FHIP2B: variants seen among roughly 807,000 people sequenced by gnomAD.
FHIP2B encodes the protein FHF complex subunit HOOK-interacting protein 2B.
Under a neutral mutation model 84.0 loss-of-function variants are expected in FHIP2B, and 72 were observed. The observed-to-expected ratio is 0.86, with a 90% CI of 0.71 to 1.04. FHIP2B has a LOEUF of 1.04. Among genes scored for constraint, FHIP2B ranks in the 50% least tolerant of loss-of-function variants. The pLI is 0.00. For synonymous variants in FHIP2B, 497 were observed against 418.7 expected, an observed-to-expected ratio of 1.19 and a Z score of -2.28; for missense variants, 972 against 968.9, an observed-to-expected ratio of 1.00 and a Z score of -0.04.
intron 14 of FHIP2B, 118 bp downstream of exon 14, chr8:22,101,969 TC>T: frequency 6.6e-7 from 1 of 1,504,086 alleles, no homozygotes; most frequent in East Asian, 2.4e-5. Context: ...CCCTGTCCTT[TC>T]CCCAGGTGGG....
rs747932409 is a variant in FHIP2B, at chr8:22,102,329, G to A, written c.1992+14G>A. On this transcript the variant is annotated intron_variant, in intron 15 of 16. Transcript: ENST00000289921. ...GTGTTGGTGAGGGTGAGGACGCCTC[G>A]GCCCAAGGGAGTGTGCCTAGTGAGG... 2.7e-5 allele frequency: 43 copies of A among 1,611,040 alleles called. No homozygotes were observed. The highest frequency in any genetic ancestry group is 3.3e-4 in the Middle Eastern group (2 of 6,084).
chr8:22,091,124 C>G (rs977401551), intron 1 of FHIP2B, among the ~76,000 whole-genome samples: 5 of 151,898 alleles, frequency 3.3e-5, no homozygotes, highest in Admixed American at 3.3e-4. Flanking sequence ...CAGTCTAGGT[C>G]TTTCCCAAGC....
chr8:22,099,813 C>T lies in FHIP2B; in HGVS notation c.1261C>T (p.Arg421Trp), dbSNP rs1405220680. The T allele has an allele frequency of 1.4e-5, 22 of 1,612,738 alleles. No individual in the cohort carries two copies. Among genetic ancestry groups the T allele is most frequent in the Middle Eastern group, 1.7e-4 (1 of 6,022 alleles). Residue 421 changes from arginine (R) to tryptophan (W), a missense_variant, in exon 10 of 17, where the codon CGG becomes TGG. Arg to Trp is a moderately radical substitution (Grantham distance 101). Transcript: ENST00000289921. Reference sequence around the variant, plus strand: ...CGTGGCTTTCCTCCTGGGCACAGACCGGCAGCCTGAAGCCCCCGGGGACAA... The same window carrying T: ...CGTGGCTTTCCTCCTGGGCACAGACTGGCAGCCTGAAGCCCCCGGGGACAA... Reference protein sequence around the residue: ...EAVAFLLGTDRQPEAPGDNPH... With the variant: ...EAVAFLLGTDWQPEAPGDNPH...
chr8:22,101,605 C>G (rs1319344571), intron 13 of FHIP2B, 75 bp downstream of exon 13: 11 of 1,559,782 alleles, frequency 7.1e-6, no homozygotes, highest in Non-Finnish European at 9.6e-6. Context: ...GGTTCCGCCT[C>G]TCTCATCTGC....
At position 22,096,364 on chromosome 8, in the gene FHIP2B, A is replaced by T. The variant is rs370607518; in HGVS notation, c.152A>T (p.Asp51Val). Reference protein sequence around the residue: ...TDESTPAKKTDIPWRLKQMLD... With the variant: ...TDESTPAKKTVIPWRLKQMLD... The stretch of plus-strand genomic sequence containing the variant: ...GAAAGCACCCCCGCCAAGAAGACAG[A>T]CATTCCCTGGCGGCTGAAGCAGATG... Residue 51 changes from aspartate (D) to valine (V), a missense_variant, in exon 3 of 17, where the codon GAC becomes GTC. Physicochemically the swap from Asp to Val is radical, Grantham distance 152 (BLOSUM62 -3). Coordinates refer to ENST00000289921, the MANE Select transcript of FHIP2B (RefSeq NM_022749.7). 8.3e-6 allele frequency: 13 copies of T among 1,560,834 alleles called. No homozygotes were observed. Among genetic ancestry groups the T allele is most frequent in the Admixed American group, 3.9e-5 (2 of 51,926 alleles).
chr8:22,090,028 C>A (rs775276784), intron 1 of FHIP2B, among the ~76,000 whole-genome samples: 14 of 151,852 alleles, frequency 9.2e-5, no homozygotes, highest in Non-Finnish European at 1.6e-4. Flanking sequence ...TGATGTTTCA[C>A]GTGCCGTCAG....
rs1455927031 is a variant in FHIP2B, at chr8:22,102,561, G to A, written c.2026G>A (p.Val676Ile). The A allele has an allele frequency of 6.4e-7, 1 of 1,562,390 alleles. No homozygotes were observed. The highest frequency in any genetic ancestry group is 8.7e-7 in the Non-Finnish European group (1 of 1,153,768). ...GGACTTGATGCAGAGAATCCAGAGG[G>A]TACCCCAGTTCCCAGGCAAGCTGCT... ...IGDLMQRIQRVPQFPGKLLLV... is the reference protein window; with the variant it reads ...IGDLMQRIQRIPQFPGKLLLV... The change falls in exon 16 of 17, where the codon GTA becomes ATA. Residue 676 changes from valine to isoleucine, a missense_variant. Val to Ile is a conservative substitution (Grantham distance 29). Coordinates refer to ENST00000289921, the MANE Select transcript of FHIP2B (RefSeq NM_022749.7).
Position 22,102,562 on chromosome 8 carries a change from T to C in FHIP2B, c.2027T>C (p.Val676Ala). ...GACTTGATGCAGAGAATCCAGAGGG[T>C]ACCCCAGTTCCCAGGCAAGCTGCTC... is the stretch of plus-strand genomic sequence containing the variant. ...IGDLMQRIQR[V>A]PQFPGKLLLV... The change falls in exon 16 of 17, where the codon GTA (valine) becomes GCA (alanine). Residue 676 changes from valine to alanine, a missense_variant. Physicochemically the swap from Val to Ala is moderately conservative, Grantham distance 64 (BLOSUM62 0). Transcript: ENST00000289921. 1 of 1,562,260 alleles carries C rather than the reference T, an allele frequency of 6.4e-7. No individual in the cohort carries two copies. Among genetic ancestry groups the C allele is most frequent in the East Asian group, 2.4e-5 (1 of 41,740 alleles).
In FHIP2B at chr8:22,103,078, G is replaced by A. The variant is rs1047319160; in HGVS notation, c.*147G>A. The stretch of plus-strand genomic sequence containing the variant: ...AGACTGCGGCATGTTGACCACACCA[G>A]ACTGGGTTTCAGGGAATGGGCATGC... On this transcript the variant is annotated 3_prime_UTR_variant, in exon 17 of 17. Coordinates refer to ENST00000289921, the MANE Select transcript of FHIP2B (RefSeq NM_022749.7). 3.7e-5 allele frequency: 40 copies of A among 1,085,162 alleles called. No homozygotes were observed. The highest frequency in any genetic ancestry group is 1.1e-4 in the Admixed American group (4 of 34,926). 67.2% of individuals were successfully genotyped at this position (1,085,162 alleles called of 1,614,324 possible).
chr8:22,096,243 C>G, intron 2 of FHIP2B, 94 bp from the exon 3 acceptor site: 1 of 1,280,200 alleles, frequency 7.8e-7, no homozygotes, highest in Non-Finnish European at 1.1e-6. Context: ...CAGACAGGAC[C>G]TCCCCTTTCT....
chr8:22,101,262 A>C (rs961707120), intron 12 of FHIP2B, 178 bp from the exon 13 acceptor site: 30 of 642,176 alleles, frequency 4.7e-5, no homozygotes, highest in Non-Finnish European at 7.5e-5. Flanking sequence ...ACCTCAGGTG[A>C]TCCGCCCACC....
chr8:22,099,907 C>T lies in FHIP2B; in HGVS notation c.1341+14C>T. 10 of 1,589,746 alleles carry T rather than the reference C, an allele frequency of 6.3e-6. No homozygotes were observed. The highest frequency in any genetic ancestry group is 8.5e-6 in the Non-Finnish European group (10 of 1,170,774). On this transcript the variant is annotated intron_variant, in intron 10 of 16. Coordinates refer to ENST00000289921, the MANE Select transcript of FHIP2B (RefSeq NM_022749.7). ...CTCTCTGATGAGGTACAGTGGGGGACCTCCATCTCTGTTCCTCTCACCACC... is the reference window on the plus strand; with the variant it reads ...CTCTCTGATGAGGTACAGTGGGGGATCTCCATCTCTGTTCCTCTCACCACC...
chr8:22,097,454 C>T (rs1258675191), intron 3 of FHIP2B, 62 bp from the exon 4 acceptor site: 5 of 1,481,514 alleles, frequency 3.4e-6, no homozygotes, highest in Non-Finnish European at 4.6e-6. Flanking sequence ...GGCCTCAGTA[C>T]CCGCCAGGCA....
chr8:22,101,001 A>T (rs751372845), intron 12 of FHIP2B, 29 bp downstream of exon 12: 15 of 1,601,098 alleles, frequency 9.4e-6, no homozygotes, highest in Non-Finnish European at 1.3e-5. Flanking sequence ...AGTCTGAACC[A>T]CTTGAGTTTT....
chr8:22,092,452 T>C (rs6557792), intron 1 of FHIP2B, among the ~76,000 whole-genome samples: 93,847 of 151,944 alleles, frequency 0.62, 29,213 homozygotes, highest in Admixed American at 0.7. Context: ...TGGTGGCACA[T>C]GTCTGTAATC....
chr8:22,096,868 G>A (rs1825801239), intron 3 of FHIP2B: 1 of 201,088 alleles, frequency 5.0e-6, no homozygotes, highest in Non-Finnish European at 1.0e-5. Context: ...CTAGATGCTG[G>A]GGACACAGCA....
Position 22,101,507 on chromosome 8 carries a change from T to C in FHIP2B, c.1684T>C (p.Tyr562His), listed in dbSNP as rs1226135858. 2 of 1,612,650 alleles carry C rather than the reference T, an allele frequency of 1.2e-6. No homozygotes were observed. Among genetic ancestry groups the C allele is most frequent in the African/African-American group, 1.3e-5 (1 of 75,032 alleles). Residue 562 changes from tyrosine to histidine, a missense_variant, in exon 13 of 17, where the codon TAC becomes CAC. Physicochemically the swap from Tyr to His is moderately conservative, Grantham distance 83. Coordinates refer to ENST00000289921, the MANE Select transcript of FHIP2B (RefSeq NM_022749.7). ...AFLEETGYDT[Y>H]VHDAYGLFQE... Reference sequence around the variant, plus strand: ...CCTGGAGGAGACAGGCTATGACACATACGTCCACGATGCTTATGGCCTGGT... The same window carrying C: ...CCTGGAGGAGACAGGCTATGACACACACGTCCACGATGCTTATGGCCTGGT...
In FHIP2B at chr8:22,098,187, G is replaced by T; in HGVS notation, c.645G>T (p.Leu215=). Residue 215 remains leucine, a synonymous_variant, in exon 6 of 17, where the codon CTG becomes CTT. Coordinates refer to ENST00000289921, the MANE Select transcript of FHIP2B (RefSeq NM_022749.7). ...SHDGAPARPQ[L]DGESCGAQAL... is the part of the protein sequence containing the mutation. Reference sequence around the variant, plus strand: ...ATGGTGCTCCTGCCAGGCCCCAGCTGGACGGGGAGTCCTGTGGGGCCCAGG... The same window carrying T: ...ATGGTGCTCCTGCCAGGCCCCAGCTTGACGGGGAGTCCTGTGGGGCCCAGG... The T allele has an allele frequency of 6.3e-7, 1 of 1,577,296 alleles. No individual in the cohort carries two copies. The highest frequency in any genetic ancestry group is 1.2e-5 in the South Asian group (1 of 86,146).
At chr8:22,100,500 C>A in intron 10 of FHIP2B, 94 bp from the exon 11 acceptor site, 1 of 1,354,418 alleles carries the variant, frequency 7.4e-7, no homozygotes, top group African/African-American at 1.5e-5. Flanking sequence ...GACTCTGCCT[C>A]AGAGGTCTTT....
Sources: gnomAD v4.1 joint callset for allele counts (sites outside exome capture counted in the v4.1 genomes callset) on GRCh38, gnomAD v4.1.1 for gene constraint, MANE v1.5 for transcripts, NCBI Gene and HGNC (gene_info 2026-07-23, HGNC 2026-07-21) for gene names.